Variants in SORCS2 observed in about 807,000 individuals in gnomAD.
SORCS2 encodes sortilin related VPS10 domain containing receptor 2.
SORCS2 carries 100 observed loss-of-function variants against 141.6 expected under a neutral mutation model. That is an observed-to-expected ratio of 0.71 (90% CI 0.60 to 0.83). SORCS2 has a LOEUF of 0.83. Ranked by LOEUF, SORCS2 falls within the 40% of genes least tolerant of loss-of-function variation. The pLI, the probability that SORCS2 is intolerant of heterozygous loss-of-function variation, is 0.00. For synonymous variants in SORCS2, 789 were observed against 676.9 expected (o/e 1.17, Z -2.57); for missense variants, 1,646 against 1,560.2 (o/e 1.05, Z -0.93).
chr4:7,368,397 T>C (rs532727475), intron 1 of SORCS2, among the ~76,000 whole-genome samples: 135 of 152,302 alleles, frequency 8.9e-4, no homozygotes, highest in African/African-American at 3.1e-3. Context: ...ACGGGCCTGG[T>C]CACTGCCCAG....
intron 2 of SORCS2, among the ~76,000 whole-genome samples, chr4:7,477,649 C>T (rs796401441): frequency 6.6e-6 from 1 of 152,266 alleles, no homozygotes; most frequent in African/African-American, 2.4e-5. Flanking sequence ...AGTCTATTCC[C>T]GAGGGGGCAC....
chr4:7,481,935 A>T (rs1730663999), intron 2 of SORCS2, among the ~76,000 whole-genome samples: 1 of 142,422 alleles, frequency 7.0e-6, no homozygotes, highest in Non-Finnish European at 1.6e-5. Context: ...GACGTTGTTC[A>T]GACCTGTATC....
intron 8 of SORCS2, 56 bp from the exon 9 acceptor site, chr4:7,675,994 C>T (rs973980218): frequency 4.6e-6 from 7 of 1,535,970 alleles, no homozygotes; most frequent in East Asian, 2.5e-5. Context: ...GCTTCTTCCT[C>T]CCTCGTGCAG....
At chr4:7,303,908 T>A (rs4025901) in intron 1 of SORCS2, among the ~76,000 whole-genome samples, 2 of 152,150 alleles carry the variant, frequency 1.3e-5, no homozygotes, top group African/African-American at 2.4e-5. Context: ...GGCAGGGGCC[T>A]GAGGGGCCAA....
intron 26 of SORCS2, among the ~76,000 whole-genome samples, chr4:7,739,176 G>T (rs546447930): frequency 6.6e-6 from 1 of 152,186 alleles, no homozygotes; most frequent in Non-Finnish European, 1.5e-5. Flanking sequence ...AGGTGGAGCC[G>T]GGCTCAAGCC....
intron 9 of SORCS2, among the ~76,000 whole-genome samples, chr4:7,680,558 A>G (rs1019883946): frequency 1.3e-5 from 2 of 152,276 alleles, no homozygotes; most frequent in Admixed American, 1.3e-4. Context: ...TCTGCCCAAC[A>G]GGACCATTGA....
intron 1 of SORCS2, among the ~76,000 whole-genome samples, chr4:7,386,686 C>G (rs1301113919): frequency 1.9e-4 from 28 of 150,966 alleles, no homozygotes; most frequent in African/African-American, 6.8e-4. Context: ...TACATGCATG[C>G]ACACATGCAC....
chr4:7,688,198 G>A (rs1014942418), intron 10 of SORCS2, among the ~76,000 whole-genome samples: 1 of 152,198 alleles, frequency 6.6e-6, no homozygotes, highest in Non-Finnish European at 1.5e-5. Flanking sequence ...CTGACGTGAT[G>A]TTAGTAGATG....
intron 8 of SORCS2, among the ~76,000 whole-genome samples, chr4:7,667,844 C>T (rs1331733299): frequency 6.6e-6 from 1 of 152,222 alleles, no homozygotes; most frequent in East Asian, 1.9e-4. Context: ...TATATTATTC[C>T]CACCTAACAG....
rs1712557361 is a variant in SORCS2 at position 7,740,261 on chromosome 4, CT to C, written c.3478del (p.Ter1160AspfsTer80). Reference sequence around the variant, plus strand: ...GAGAGATGCACAGCTACCTGGTGAGCTGATGCCACCCCAGCATCTGTCTTTT... The same window carrying C: ...GAGAGATGCACAGCTACCTGGTGAGCGATGCCACCCCAGCATCTGTCTTTT... The part of the protein sequence containing the change: ...SREMHSYLVS[*>X] On this transcript the variant is annotated frameshift_variant and stop_lost, in exon 27 of 27. Coordinates refer to ENST00000507866, the MANE Select transcript of SORCS2 (RefSeq NM_020777.3). LOFTEE classifies it high-confidence loss of function. 1 of 1,608,910 alleles carries C rather than the reference CT, an allele frequency of 6.2e-7. No individual in the cohort carries two copies. The highest frequency in any genetic ancestry group is 1.1e-5 in the South Asian group (1 of 90,826).
intron 10 of SORCS2, among the ~76,000 whole-genome samples, chr4:7,683,182 C>T (rs1347994684): frequency 2.6e-5 from 4 of 152,034 alleles, no homozygotes; most frequent in African/African-American, 7.2e-5. Context: ...CTCAGCTGGG[C>T]GGCTCTGCTG....
At chr4:7,725,965 A>T (rs1478005918) in intron 20 of SORCS2, among the ~76,000 whole-genome samples, 1 of 152,206 alleles carries the variant, frequency 6.6e-6, no homozygotes, top group Non-Finnish European at 1.5e-5. Context: ...GTCTGGGTTC[A>T]GGCCTCGGCT....
At chr4:7,503,045 C>T (rs981165664) in intron 2 of SORCS2, among the ~76,000 whole-genome samples, 1 of 152,198 alleles carries the variant, frequency 6.6e-6, no homozygotes, top group African/African-American at 2.4e-5. Context: ...GAGGCCCTGC[C>T]AGCGGTAGCA....
chr4:7,250,717 C>T (rs10009369), intron 1 of SORCS2, among the ~76,000 whole-genome samples: 13,437 of 152,312 alleles, frequency 0.088, 1,054 homozygotes, highest in African/African-American at 0.21. Flanking sequence ...GAGGCGAGGC[C>T]GAGGAACAGC....
At position 7,226,047 on chromosome 4, in the gene SORCS2, G is replaced by A. The variant is rs548668202; in HGVS notation, c.480+32921G>A. ...GGGGCTGTGTTTGAACTCCGCCACC[G>A]TGAGAAAACGTGGCTCCGGAGGGTC... On this transcript the variant is annotated intron_variant, in intron 1 of 26. Transcript: ENST00000507866. 3.3e-4 allele frequency among the ~76,000 whole-genome samples: 51 copies of A among 152,296 alleles called. 1 individual carries two copies. The highest frequency in any genetic ancestry group is 8.3e-4 in the South Asian group (4 of 4,826).
chr4:7,652,278 G>A (rs916779864), intron 4 of SORCS2, among the ~76,000 whole-genome samples: 8 of 152,184 alleles, frequency 5.3e-5, no homozygotes, highest in African/African-American at 1.7e-4. Context: ...AAAGGGGAGC[G>A]GCTCTGGGCC....
intron 1 of SORCS2, among the ~76,000 whole-genome samples, chr4:7,331,927 G>C (rs1305974212): frequency 6.6e-6 from 1 of 152,212 alleles, no homozygotes; most frequent in Non-Finnish European, 1.5e-5. Context: ...TATGACTGGG[G>C]CTGGAGCCTG....
At chr4:7,651,418 C>T (rs1721440080) in intron 4 of SORCS2, among the ~76,000 whole-genome samples, 1 of 152,156 alleles carries the variant, frequency 6.6e-6, no homozygotes, top group African/African-American at 2.4e-5. Flanking sequence ...AAGAGATTGG[C>T]CTGGCCACTC....
At chr4:7,508,094 C>T (rs73212591) in intron 2 of SORCS2, among the ~76,000 whole-genome samples, 38,362 of 151,580 alleles carry the variant, frequency 0.25, 5,403 homozygotes, top group South Asian at 0.38. Context: ...GAAGTGGTCC[C>T]GGCTGGGGTG....
Sources: allele counts gnomAD v4.1 joint callset (sites outside exome capture counted in the v4.1 genomes callset), GRCh38; gene constraint gnomAD v4.1.1; transcripts MANE v1.5; gene names NCBI Gene and HGNC (gene_info 2026-07-23, HGNC 2026-07-21).